The following WNT5A variants were observed in gnomAD, a reference collection of about 807,000 sequenced individuals.
WNT5A encodes protein Wnt-5a.
In WNT5A, 9 loss-of-function variants were observed where a neutral mutation model predicts 42.1. That is an observed-to-expected ratio of 0.21 (90% CI 0.13 to 0.37). The LOEUF (loss-of-function observed/expected upper bound fraction) is 0.37. WNT5A is among the 10% of genes least tolerant of loss of function. The pLI, the probability that WNT5A is intolerant of heterozygous loss-of-function variation, is 1.00. For synonymous variants in WNT5A, 210 were observed against 210.0 expected (o/e 1.00, Z 0.00); for missense variants, 426 against 534.0 (o/e 0.80, Z 1.99).
At chr3:55,477,665 C>T (rs188190004) in intron 3 of WNT5A, among the ~76,000 whole-genome samples, 1 of 152,236 alleles carries the variant, frequency 6.6e-6, no homozygotes, top group East Asian at 1.9e-4. Flanking sequence ...AATCTTGGAC[C>T]GCATTTAAAA....
the WNT5A span, chr3:55,497,354 C>A: frequency 6.6e-6 from 1 of 152,250 alleles, no homozygotes; most frequent in Non-Finnish European, 1.5e-5. Context: ...AGAAATCTGT[C>A]CAAAGGGGGT....
intron 1 of WNT5A, 106 bp downstream of exon 1, chr3:55,486,874 G>T (rs2051587565): frequency 9.5e-6 from 8 of 839,978 alleles, no homozygotes; most frequent in Non-Finnish European, 1.4e-5. Flanking sequence ...TTCTTCAGGC[G>T]GTTGGGGAAA....
chr3:55,481,655 C>T (rs2051467707), intron 1 of WNT5A, among the ~76,000 whole-genome samples: 1 of 152,130 alleles, frequency 6.6e-6, no homozygotes, highest in South Asian at 2.1e-4. Context: ...TTCAGCCAGA[C>T]TAGGGAGGGG....
chr3:55,486,575 G>T (rs1474347992), intron 1 of WNT5A, among the ~76,000 whole-genome samples: 1 of 152,238 alleles, frequency 6.6e-6, no homozygotes, highest in African/African-American at 2.4e-5. Flanking sequence ...ACACCGTCCC[G>T]GTGCCCGCGC....
upstream of WNT5A, among the ~76,000 whole-genome samples, chr3:55,495,522 C>CT (rs770988022): frequency 3.9e-5 from 6 of 152,132 alleles, no homozygotes; most frequent in Non-Finnish European, 8.8e-5. Context: ...AGATTTTCTT[C>CT]TTTTTTAAGA....
chr3:55,472,204 T>TA (rs2051264662), intron 4 of WNT5A, among the ~76,000 whole-genome samples: 1 of 152,080 alleles, frequency 6.6e-6, no homozygotes, highest in Admixed American at 6.5e-5. Flanking sequence ...AACTCGCTAC[T>TA]AAAAAAATGC....
the WNT5A span, among the ~76,000 whole-genome samples, chr3:55,502,157 A>T: frequency 6.6e-6 from 1 of 152,204 alleles, no homozygotes. Flanking sequence ...CCATGACTTC[A>T]TAATTTCTGG....
the WNT5A span, chr3:55,497,333 T>C: frequency 2.0e-5 from 3 of 152,286 alleles, no homozygotes; most frequent in East Asian, 5.8e-4. Flanking sequence ...TTGTGCTGGC[T>C]GGCTAACCCT....
Position 55,479,574 on chromosome 3 carries a change from G to T in WNT5A, c.141-10C>A, listed in dbSNP as rs1221457081. 13 of 1,568,322 alleles carry T rather than the reference G, an allele frequency of 8.3e-6. No individual in the cohort carries two copies. In the East Asian group the frequency reaches 2.7e-4, roughly 33 times the overall value. Reference sequence around the variant, plus strand: ...ATTCATACCTAGCGACCTGCAAGGGGGGGAGATGTGCATTCAAGATTTACG... The same window carrying T: ...ATTCATACCTAGCGACCTGCAAGGGTGGGAGATGTGCATTCAAGATTTACG... On this transcript the variant is annotated splice_polypyrimidine_tract_variant and intron_variant, in intron 2 of 4. Transcript: ENST00000264634.
At chr3:55,498,324 A>G in the WNT5A span, among the ~76,000 whole-genome samples, 3 of 152,188 alleles carry the variant, frequency 2.0e-5, no homozygotes, top group Admixed American at 6.5e-5. Context: ...TCTACTATGT[A>G]TGTGCCAGGA....
Position 55,487,047 on chromosome 3 carries a change from G to T in WNT5A, c.-62C>A. 2 of 1,563,812 alleles carry T rather than the reference G, an allele frequency of 1.3e-6. No individual in the cohort carries two copies. Among genetic ancestry groups the T allele is most frequent in the East Asian group, 2.2e-5 (1 of 44,498 alleles). ...CCGAGCGAGCGCAGCCGAGGAATCC[G>T]AGCGGAGCGACCGGGTTAAGCCTGG... On this transcript the variant is annotated 5_prime_UTR_variant, in exon 1 of 5. Coordinates refer to ENST00000264634, the MANE Select transcript of WNT5A (RefSeq NM_003392.7).
chr3:55,478,557 C>A (rs1202287412), intron 3 of WNT5A, among the ~76,000 whole-genome samples: 1 of 152,138 alleles, frequency 6.6e-6, no homozygotes, highest in Non-Finnish European at 1.5e-5. Flanking sequence ...CAGAGGCAAA[C>A]AAACAGATTT....
At chr3:55,499,179 T>C in the WNT5A span, among the ~76,000 whole-genome samples, 1 of 152,242 alleles carries the variant, frequency 6.6e-6, no homozygotes, top group African/African-American at 2.4e-5. Flanking sequence ...TGCTGGGATT[T>C]GGATAGCCTC....
At chr3:55,484,482 G>C (rs1416698307) in intron 1 of WNT5A, among the ~76,000 whole-genome samples, 1 of 152,170 alleles carries the variant, frequency 6.6e-6, no homozygotes, top group African/African-American at 2.4e-5. Context: ...TAGGGGAGGA[G>C]GGAATTGCCA....
At chr3:55,504,589 C>T in the WNT5A span, among the ~76,000 whole-genome samples, 3 of 152,038 alleles carry the variant, frequency 2.0e-5, no homozygotes, top group Non-Finnish European at 4.4e-5. Flanking sequence ...CTCACCCTCC[C>T]GAGTAGCTGA....
At chr3:55,473,171 C>T (rs929662420) in intron 4 of WNT5A, among the ~76,000 whole-genome samples, 3 of 152,188 alleles carry the variant, frequency 2.0e-5, no homozygotes, top group African/African-American at 7.2e-5. Flanking sequence ...CTTTAATTTT[C>T]TTCCATGGTC....
chr3:55,479,590 A>C, intron 2 of WNT5A, 26 bp from the exon 3 acceptor site: 2 of 1,549,086 alleles, frequency 1.3e-6, no homozygotes, highest in Non-Finnish European at 1.7e-6. Context: ...ATGTGCATTC[A>C]AGATTTACGT....
the WNT5A span, among the ~76,000 whole-genome samples, chr3:55,501,982 A>C: frequency 2.0e-5 from 3 of 152,210 alleles, no homozygotes; most frequent in Non-Finnish European, 4.4e-5. Flanking sequence ...CAAAAGGAAA[A>C]TAAGGCCCCA....
intron 3 of WNT5A, among the ~76,000 whole-genome samples, chr3:55,477,162 T>C (rs139094432): frequency 2.0e-3 from 299 of 152,334 alleles, no homozygotes; most frequent in Non-Finnish European, 3.0e-3. Context: ...CACACACCTT[T>C]TGGCATCAAA....
Sources: gnomAD v4.1 joint callset for allele counts (sites outside exome capture counted in the v4.1 genomes callset) on GRCh38, gnomAD v4.1.1 for gene constraint, MANE v1.5 for transcripts, NCBI Gene and HGNC (gene_info 2026-07-23, HGNC 2026-07-21) for gene names.